The following ZNF540 variants were observed in gnomAD, a reference collection of about 807,000 sequenced individuals.
ZNF540 encodes zinc finger protein 540.
In ZNF540, 3 loss-of-function variants were observed where a neutral mutation model predicts 11.8. That is an observed-to-expected ratio of 0.25 (90% CI 0.12 to 0.65). ZNF540 has a LOEUF of 0.65. Among genes scored for constraint, ZNF540 ranks in the 30% least tolerant of loss-of-function variants. The probability of loss-of-function intolerance (pLI) is 0.83; values close to 1 mark genes in which losing one functional copy is unlikely to be tolerated. For synonymous variants in ZNF540, 247 were observed against 259.0 expected (o/e 0.95, Z 0.45); for missense variants, 709 against 793.1 (o/e 0.89, Z 1.27).
intron 1 of ZNF540, among the ~76,000 whole-genome samples, chr19:37,557,221 G>A (rs886662280): frequency 3.3e-5 from 5 of 152,128 alleles, no homozygotes; most frequent in South Asian, 2.1e-4. Flanking sequence ...CTTCGGAGAC[G>A]GTGGCCTGGG....
exon 1 of ZNF540, chr19:37,551,571 G>A (rs762175131): frequency 1.3e-5 from 2 of 152,322 alleles, no homozygotes; most frequent in Non-Finnish European, 2.9e-5. Flanking sequence ...AGGATGCACC[G>A]CGTGATCCCT....
At chr19:37,583,220 C>T (rs1263533850) in intron 1 of ZNF540, among the ~76,000 whole-genome samples, 1 of 152,168 alleles carries the variant, frequency 6.6e-6, no homozygotes, top group Non-Finnish European at 1.5e-5. Flanking sequence ...CCTGGTCCTC[C>T]TAACCTATGA....
chr19:37,602,086 G>A (rs902738072), intron 4 of ZNF540, among the ~76,000 whole-genome samples: 1 of 152,190 alleles, frequency 6.6e-6, no homozygotes, highest in Non-Finnish European at 1.5e-5. Flanking sequence ...AGGTAGCTTG[G>A]ATTGGGATGG....
chr19:37,565,100 C>A (rs746277683), intron 1 of ZNF540: 1 of 1,613,204 alleles, frequency 6.2e-7, no homozygotes, highest in Non-Finnish European at 8.5e-7. Context: ...GGGTTTCTCA[C>A]CTGTATGAAT....
chr19:37,604,892 A>G (rs2147230221), intron 4 of ZNF540, among the ~76,000 whole-genome samples: 1 of 152,338 alleles, frequency 6.6e-6, no homozygotes, highest in South Asian at 2.1e-4. Context: ...AAATCAGAAT[A>G]TGCAGTATTC....
At chr19:37,572,143 AC>A (rs1167303660) in intron 1 of ZNF540, among the ~76,000 whole-genome samples, 1 of 152,160 alleles carries the variant, frequency 6.6e-6, no homozygotes, top group African/African-American at 2.4e-5. Flanking sequence ...TACTTCTGTT[AC>A]CCCTATCACT....
intron 1 of ZNF540, among the ~76,000 whole-genome samples, chr19:37,567,005 T>C (rs2042884121): frequency 6.6e-6 from 1 of 152,190 alleles, no homozygotes; most frequent in African/African-American, 2.4e-5. Context: ...GTGGTCATAA[T>C]GGCCTCCTTG....
intron 1 of ZNF540, among the ~76,000 whole-genome samples, chr19:37,570,851 C>CT (rs1413970337): frequency 6.6e-6 from 1 of 152,112 alleles, no homozygotes. Context: ...AAACCCACCC[C>CT]TTTATATCCT....
chr19:37,612,260 A>C lies in ZNF540; in HGVS notation c.980A>C (p.Tyr327Ser), dbSNP rs183783003. The C allele has an allele frequency of 3.7e-6, 6 of 1,613,994 alleles. No individual in the cohort carries two copies. In the Admixed American group the frequency reaches 6.7e-5, roughly 18 times the overall value. Reference protein sequence around the residue: ...HERIHTGKKPYECKECGKAFS... With the variant: ...HERIHTGKKPSECKECGKAFS... Reference sequence around the variant, plus strand: ...AGAATTCATACAGGTAAGAAACCCTATGAATGTAAGGAGTGTGGGAAAGCT... The same window carrying C: ...AGAATTCATACAGGTAAGAAACCCTCTGAATGTAAGGAGTGTGGGAAAGCT... Residue 327 changes from tyrosine (Y) to serine (S), a missense_variant, in exon 5 of 5, where the codon TAT becomes TCT. Tyr to Ser is a moderately radical substitution (Grantham distance 144). Transcript: ENST00000316433.
upstream of ZNF540, among the ~76,000 whole-genome samples, chr19:37,591,053 CTAT>C (rs112746233): frequency 8.0e-3 from 1,217 of 152,222 alleles, 11 homozygotes; most frequent in African/African-American, 0.028. Context: ...TTTGTCTGAA[CTAT>C]TATTATAAAT....
At chr19:37,566,302 A>C in intron 1 of ZNF540, 1 of 1,571,216 alleles carries the variant, frequency 6.4e-7, no homozygotes, top group Non-Finnish European at 8.6e-7. Context: ...CTGTAGAATA[A>C]AAAGAAAGCA....
intron 1 of ZNF540, among the ~76,000 whole-genome samples, chr19:37,576,429 C>CA (rs1418268592): frequency 6.6e-6 from 1 of 152,180 alleles, no homozygotes; most frequent in Non-Finnish European, 1.5e-5. Context: ...GAGCAGGCTT[C>CA]AAGCACACTA....
Position 37,613,404 on chromosome 19 carries a change from T to C in ZNF540, c.*141T>C. The C allele has an allele frequency of 1.7e-6, 1 of 596,308 alleles. No individual in the cohort carries two copies. The highest frequency in any genetic ancestry group is 3.1e-5 in the East Asian group (1 of 32,610). The allele number at this position is 596,308 out of a possible 1,614,324, so 36.9% of individuals were successfully genotyped here. Reference sequence around the variant, plus strand: ...AGTCTTAAATACCTCTTAGTTCTCATTAAATTTAGGAAAATTCACACTAGA... The same window carrying C: ...AGTCTTAAATACCTCTTAGTTCTCACTAAATTTAGGAAAATTCACACTAGA... On this transcript the variant is annotated 3_prime_UTR_variant, in exon 5 of 5. Coordinates refer to ENST00000316433, the MANE Select transcript of ZNF540 (RefSeq NM_001172225.3).
rs147115017 is a variant in ZNF540 at position 37,586,352 on chromosome 19, A to G, written c.-72-12024A>G. 1,678 of 306,042 alleles carry G rather than the reference A, an allele frequency of 5.5e-3. 44 individuals carry two copies. The highest frequency in any genetic ancestry group is 0.042 in the Admixed American group (833 of 19,844). The allele number at this position is 306,042 out of a possible 1,614,324, so 19.0% of individuals were successfully genotyped here. ...GTATCACATTTAAACACTCATCTCT[A>G]CCTCACCAAACCGTGGTACTAATGT... is the stretch of plus-strand genomic sequence containing the variant. On this transcript the variant is annotated intron_variant, in intron 1 of 4. Coordinates refer to the ZNF540 transcript ENST00000592533.
upstream of ZNF540, chr19:37,594,673 C>T (rs2043965738): frequency 1.3e-5 from 2 of 152,418 alleles, no homozygotes; most frequent in South Asian, 4.1e-4. Flanking sequence ...CAGCACCATA[C>T]AAGAACTACT....
chr19:37,552,351 TG>T lies in ZNF540; in HGVS notation c.-73+688del, dbSNP rs2042614540. ...TGAAAACACTGCTGCTGCTCTTAGG[TG>T]GACTAGTCTATAAGTATCAATTACA... On this transcript the variant is annotated intron_variant, in intron 1 of 4. Coordinates refer to the ZNF540 transcript ENST00000592533. 3.9e-5 allele frequency among the ~76,000 whole-genome samples: 6 copies of T among 152,292 alleles called. No homozygotes were observed. The South Asian group carries it at 1.0e-3, about 26-fold the overall frequency.
In ZNF540 at chr19:37,613,566, A is replaced by G. The variant is rs912907186; in HGVS notation, c.*303A>G. 7.6e-6 allele frequency: 3 copies of G among 396,918 alleles called. No homozygotes were observed. The Admixed American group carries it at 1.2e-4, about 16-fold the overall frequency. 24.6% of individuals were successfully genotyped at this position (396,918 alleles called of 1,614,324 possible). ...TGCTTCTTGGTACCTCAGCTGTAAA[A>G]TGAAACACACCTAAAAGTGTGGTTG... On this transcript the variant is annotated 3_prime_UTR_variant, in exon 5 of 5. Transcript: ENST00000316433.
intron 1 of ZNF540, among the ~76,000 whole-genome samples, chr19:37,595,763 A>G (rs2043986962): frequency 6.6e-6 from 1 of 152,244 alleles, no homozygotes; most frequent in African/African-American, 2.4e-5. Flanking sequence ...CACTAGCTAC[A>G]TATGGCTATT....
At chr19:37,588,320 T>A (rs1328127403) in intron 1 of ZNF540, among the ~76,000 whole-genome samples, 1 of 152,018 alleles carries the variant, frequency 6.6e-6, no homozygotes, top group Non-Finnish European at 1.5e-5. Flanking sequence ...AAATGCCTGA[T>A]AATAAAGAGA....
Sources: allele counts gnomAD v4.1 joint callset (sites outside exome capture counted in the v4.1 genomes callset), GRCh38; gene constraint gnomAD v4.1.1; transcripts MANE v1.5; gene names NCBI Gene and HGNC (gene_info 2026-07-23, HGNC 2026-07-21).